The following SUCNR1 variants were observed in gnomAD, a reference collection of about 807,000 sequenced individuals.
SUCNR1 encodes succinate receptor 1.
SUCNR1 carries 5 observed loss-of-function variants against 2.4 expected under a neutral mutation model. That is an observed-to-expected ratio of 2.07 (90% CI 1.08 to 4.36). The LOEUF is 4.36. SUCNR1 is among the 30% of genes most tolerant of loss of function. The probability of loss-of-function intolerance (pLI) is 0.00; values close to 1 mark genes in which losing one functional copy is unlikely to be tolerated. For synonymous variants in SUCNR1, 162 were observed against 143.9 expected (o/e 1.13, Z -0.90); for missense variants, 373 against 399.2 (o/e 0.93, Z 0.56).
At chr3:151,874,146 ATTTTTTTTTTTTT>A (rs56678758) in intron 1 of SUCNR1, among the ~76,000 whole-genome samples, 11 of 60,214 alleles carry the variant, frequency 1.8e-4, no homozygotes, top group South Asian at 7.1e-4. Flanking sequence ...ATATATATAT[ATTTTTTTTTTTTT>A]TTTTTTTTTT....
At chr3:151,875,927 G>T (rs2108064393) in intron 1 of SUCNR1, among the ~76,000 whole-genome samples, 1 of 152,292 alleles carries the variant, frequency 6.6e-6, no homozygotes, top group East Asian at 1.9e-4. Context: ...TCAGGCTCTA[G>T]TTGCACAAGT....
rs1718173693 is a variant in SUCNR1 at position 151,883,807 on chromosome 3, C to T, written c.*2259C>T. The T allele has an allele frequency of 6.6e-6, 1 of 151,992 alleles. No homozygotes were observed. 9.4% of individuals were successfully genotyped at this position (151,992 alleles called of 1,614,324 possible). Reference sequence around the variant, plus strand: ...TCTAGATTCTTCAGTCTGGACCCACCTACTCTTCTCACATTATCTCCCATC... The same window carrying T: ...TCTAGATTCTTCAGTCTGGACCCACTTACTCTTCTCACATTATCTCCCATC... On this transcript the variant is annotated 3_prime_UTR_variant, in exon 3 of 3. Transcript: ENST00000362032.
chr3:151,880,523 A>T (rs1226842962), intron 2 of SUCNR1, 36 bp from the exon 3 acceptor site: 1 of 1,487,954 alleles, frequency 6.7e-7, no homozygotes, highest in South Asian at 1.3e-5. Flanking sequence ...GTCACAGTCT[A>T]GTGTTTAATC....
chr3:151,874,144 ATATTTTTTTTTTTT>A lies in SUCNR1; in HGVS notation c.-42+440_-42+453del, dbSNP rs1249829661. ...TACATACATATATATATATATATAT[ATATTTTTTTTTTTT>A]TTTTTTTTTTTTAAGACAGAGTTTC... On this transcript the variant is annotated intron_variant, in intron 1 of 2. Transcript: ENST00000362032. Among the ~76,000 whole-genome samples the A allele has an allele frequency of 4.8e-4, 30 of 62,890 alleles. 1 individual carries two copies. Among genetic ancestry groups the A allele is most frequent in the Admixed American group, 4.0e-3 (19 of 4,762 alleles). 41.3% of individuals were successfully genotyped at this position (62,890 alleles called of 152,430 possible). A position where few individuals can be genotyped will look rare whatever the true frequency, so the allele number is the denominator to read the frequency against.
chr3:151,879,901 G>A lies in SUCNR1; in HGVS notation c.9G>A (p.Gly3=). ML[G]IMAWNATCKN... ...TGTTGAACAACTACGACATGCTGGG[G>A]ATCATGGTATGTTTAGAGACACAAA... The change falls in exon 2 of 3, where the codon GGG becomes GGA. Residue 3 remains glycine (G), a synonymous_variant. Transcript: ENST00000362032. 1.3e-6 allele frequency: 2 copies of A among 1,580,832 alleles called. No homozygotes were observed. The highest frequency in any genetic ancestry group is 1.4e-5 in the African/African-American group (1 of 73,514).
At position 151,879,910 on chromosome 3, in the gene SUCNR1, A is replaced by G; in HGVS notation, c.15+3A>G. The G allele has an allele frequency of 6.3e-7, 1 of 1,577,196 alleles. No homozygotes were observed. Among genetic ancestry groups the G allele is most frequent in the Non-Finnish European group, 8.6e-7 (1 of 1,160,934 alleles). On this transcript the variant is annotated splice_donor_region_variant and intron_variant, in intron 2 of 2. Transcript: ENST00000362032. ...ACTACGACATGCTGGGGATCATGGT[A>G]TGTTTAGAGACACAAAAGTGAATTC...
Position 151,880,736 on chromosome 3 carries a change from C to T in SUCNR1, c.193C>T (p.Leu65Phe). ...WNSSNIYLFN[L>F]SVSDLAFLCT... is the part of the protein sequence containing the mutation. ...CAGCAGTAATATTTATCTCTTTAAC[C>T]TCTCTGTCTCTGACTTAGCTTTTCT... The change falls in exon 3 of 3, where the codon CTC becomes TTC. Residue 65 changes from leucine to phenylalanine, a missense_variant. Physicochemically the swap from Leu to Phe is conservative, Grantham distance 22. This residue lies in a region of SUCNR1 where 184 missense variants were observed against 162.2 expected (regional missense o/e 1.13). Transcript: ENST00000362032. 1 of 1,614,008 alleles carries T rather than the reference C, an allele frequency of 6.2e-7. No individual in the cohort carries two copies. Among genetic ancestry groups the T allele is most frequent in the Non-Finnish European group, 8.5e-7 (1 of 1,179,900 alleles).
At chr3:151,875,694 A>C (rs1386757048) in intron 1 of SUCNR1, among the ~76,000 whole-genome samples, 1 of 152,186 alleles carries the variant, frequency 6.6e-6, no homozygotes. Flanking sequence ...CACCTTAACA[A>C]TAATTTTACA....
chr3:151,880,998 T>TA lies in SUCNR1; in HGVS notation c.456dup (p.Glu153ArgfsTer15). 1 of 1,614,156 alleles carries TA rather than the reference T, an allele frequency of 6.2e-7. No individual in the cohort carries two copies. The highest frequency in any genetic ancestry group is 8.5e-7 in the Non-Finnish European group (1 of 1,180,004). ...TTGGCCATTTGGGTTTTAGTAACCT[T>TA]AGAGTTACTACCCATACTTCCCCTT... On this transcript the variant is annotated frameshift_variant, in exon 3 of 3. Transcript: ENST00000362032. LOFTEE classifies it low-confidence loss of function (END_TRUNC).
chr3:151,881,264 T>C lies in SUCNR1; in HGVS notation c.721T>C (p.Phe241Leu), dbSNP rs760842906. The C allele has an allele frequency of 6.2e-6, 10 of 1,614,086 alleles. No homozygotes were observed. The highest frequency in any genetic ancestry group is 8.5e-6 in the Non-Finnish European group (10 of 1,180,032). ...CTTGGTCATCATGGCAGTGGTAATC[T>C]TCTCTGTGCTTTTTACACCCTATCA... ...LNLVIMAVVI[F>L]SVLFTPYHVM... is the part of the protein sequence containing the mutation. Residue 241 changes from phenylalanine to leucine, a missense_variant, in exon 3 of 3, where the codon TTC becomes CTC. Phe to Leu is a conservative substitution (Grantham distance 22, BLOSUM62 0). Coordinates refer to ENST00000362032, the MANE Select transcript of SUCNR1 (RefSeq NM_033050.6).
At chr3:151,879,569 A>C (rs770519070) in intron 1 of SUCNR1, among the ~76,000 whole-genome samples, 9 of 152,150 alleles carry the variant, frequency 5.9e-5, no homozygotes, top group Non-Finnish European at 1.2e-4. Context: ...TGATACCTTG[A>C]TCTTGGACTT....
Position 151,880,598 on chromosome 3 carries a change from G to A in SUCNR1, c.55G>A (p.Ala19Thr), listed in dbSNP as rs550521164. 40 of 1,611,814 alleles carry A rather than the reference G, an allele frequency of 2.5e-5. No homozygotes were observed. Among genetic ancestry groups the A allele is most frequent in the Non-Finnish European group, 3.1e-5 (37 of 1,179,136 alleles). Reference protein sequence around the residue: ...ATCKNWLAAEAALEKYYLSIF... With the variant: ...ATCKNWLAAETALEKYYLSIF... Reference sequence around the variant, plus strand: ...TTGCAAAAACTGGCTGGCAGCAGAGGCTGCCCTGGAAAAGTACTACCTTTC... The same window carrying A: ...TTGCAAAAACTGGCTGGCAGCAGAGACTGCCCTGGAAAAGTACTACCTTTC... Residue 19 changes from alanine to threonine, a missense_variant, in exon 3 of 3, where the codon GCT (alanine) becomes ACT (threonine). By Grantham distance (58) the Ala-to-Thr change is moderately conservative (BLOSUM62 0). Coordinates refer to ENST00000362032, the MANE Select transcript of SUCNR1 (RefSeq NM_033050.6).
Position 151,882,363 on chromosome 3 carries a change from T to C in SUCNR1, c.*815T>C, listed in dbSNP as rs960030727. On this transcript the variant is annotated 3_prime_UTR_variant, in exon 3 of 3. Transcript: ENST00000362032. ...TTTAAATGATGATTTTGCCATCTGG[T>C]ATTTTATTATCATAATTTGACCACC... 1 of 152,220 alleles carries C rather than the reference T, an allele frequency of 6.6e-6. No homozygotes were observed. Among genetic ancestry groups the C allele is most frequent in the Admixed American group, 6.5e-5 (1 of 15,282 alleles). The allele number at this position is 152,220 out of a possible 1,614,324, so 9.4% of individuals were successfully genotyped here. A position where few individuals can be genotyped will look rare whatever the true frequency, so the allele number is the denominator to read the frequency against.
chr3:151,879,292 G>A (rs1468697196), intron 1 of SUCNR1, among the ~76,000 whole-genome samples: 1 of 152,144 alleles, frequency 6.6e-6, no homozygotes, highest in Non-Finnish European at 1.5e-5. Flanking sequence ...TACAATAAAG[G>A]TCTTTCACTA....
chr3:151,879,409 G>C (rs1718017783), intron 1 of SUCNR1, among the ~76,000 whole-genome samples: 1 of 152,170 alleles, frequency 6.6e-6, no homozygotes, highest in African/African-American at 2.4e-5. Flanking sequence ...AAGTGATGAA[G>C]CCATGAAGAC....
At position 151,883,465 on chromosome 3, in the gene SUCNR1, CATATATAT is replaced by C. The variant is rs57096358; in HGVS notation, c.*1950_*1957del. 0.032 allele frequency: 2,550 copies of C among 80,388 alleles called. 68 individuals are homozygous for C. Among genetic ancestry groups the C allele is most frequent in the African/African-American group, 0.078 (1,727 of 22,226 alleles). The allele number at this position is 80,388 out of a possible 1,614,324, so 5.0% of individuals were successfully genotyped here. ...AATATTTTTTCAAACCATAAACTCA[CATATATAT>C]ATATATATATATATATATATATATA... On this transcript the variant is annotated 3_prime_UTR_variant, in exon 3 of 3. Coordinates refer to ENST00000362032, the MANE Select transcript of SUCNR1 (RefSeq NM_033050.6).
chr3:151,874,319 C>T (rs1057433371), intron 1 of SUCNR1, among the ~76,000 whole-genome samples: 8 of 150,724 alleles, frequency 5.3e-5, no homozygotes, highest in South Asian at 2.1e-4. Context: ...GGATTACAAG[C>T]GCCCACCACC....
chr3:151,879,385 C>T (rs12486484), intron 1 of SUCNR1, among the ~76,000 whole-genome samples: 77,980 of 152,024 alleles, frequency 0.51, 22,118 homozygotes, highest in African/African-American at 0.77. Flanking sequence ...TATTAAGAGG[C>T]GGGGCCTTTT....
Position 151,881,138 on chromosome 3 carries a change from CCT to C in SUCNR1, c.598_599del (p.Leu200PhefsTer19). 1 of 1,614,144 alleles carries C rather than the reference CCT, an allele frequency of 6.2e-7. No homozygotes were observed. Among genetic ancestry groups the C allele is most frequent in the Non-Finnish European group, 8.5e-7 (1 of 1,180,030 alleles). ...MCLTLLGFLI[P>X]LFVMCFFYYK... is the part of the protein sequence containing the mutation. ...TCTAACACTGTTGGGGTTCCTTATT[CCT>C]CTTTTTGTGATGTGTTTCTTTTATT... On this transcript the variant is annotated frameshift_variant, in exon 3 of 3. Coordinates refer to ENST00000362032, the MANE Select transcript of SUCNR1 (RefSeq NM_033050.6). LOFTEE classifies it low-confidence loss of function (END_TRUNC).
Sources: gnomAD v4.1 joint callset for allele counts (sites outside exome capture counted in the v4.1 genomes callset) on GRCh38, gnomAD v4.1.1 for gene constraint, gnomAD v4.1.1 regional missense constraint, MANE v1.5 for transcripts, NCBI Gene and HGNC (gene_info 2026-07-23, HGNC 2026-07-21) for gene names.